VPS54: variants seen among roughly 807,000 people sequenced by gnomAD.
The protein encoded by VPS54 is vacuolar protein sorting-associated protein 54.
A neutral mutation model predicts 121.5 loss-of-function variants in VPS54; 45 were observed. That is an observed-to-expected ratio of 0.37 (90% CI 0.29 to 0.47). The LOEUF (loss-of-function observed/expected upper bound fraction) is 0.47, where lower values mean the gene tolerates loss of function less well. Among genes scored for constraint, VPS54 ranks in the 20% least tolerant of loss-of-function variants. The probability of loss-of-function intolerance (pLI) is 0.99; values close to 1 mark genes in which losing one functional copy is unlikely to be tolerated. For synonymous variants in VPS54, 371 were observed against 385.8 expected (o/e 0.96, Z 0.45); for missense variants, 1,090 against 1,131.4 (o/e 0.96, Z 0.52).
At chr2:63,932,055 G>A (rs1310925770) in intron 12 of VPS54, among the ~76,000 whole-genome samples, 2 of 152,206 alleles carry the variant, frequency 1.3e-5, no homozygotes, top group Admixed American at 1.3e-4. Flanking sequence ...TACACTGTTG[G>A]TGGGAGTGTT....
chr2:63,915,229 G>A (rs1673328724), intron 16 of VPS54, among the ~76,000 whole-genome samples: 1 of 148,742 alleles, frequency 6.7e-6, no homozygotes, highest in African/African-American at 2.5e-5. Flanking sequence ...CAAATCACAC[G>A]TTAAAAAGAC....
At chr2:63,913,726 T>G (rs759435291) in intron 17 of VPS54, 11 of 453,172 alleles carry the variant, frequency 2.4e-5, no homozygotes, top group Non-Finnish European at 3.3e-5. Flanking sequence ...TCCGTACTGG[T>G]AGTTTAAAAT....
At chr2:63,995,984 G>T (rs972302224) in intron 1 of VPS54, among the ~76,000 whole-genome samples, 5 of 152,140 alleles carry the variant, frequency 3.3e-5, no homozygotes, top group Non-Finnish European at 7.3e-5. Flanking sequence ...GTCTATTGGG[G>T]GCTCCACTGT....
chr2:63,945,130 A>T (rs1018867734), intron 9 of VPS54, among the ~76,000 whole-genome samples: 3 of 152,236 alleles, frequency 2.0e-5, no homozygotes, highest in African/African-American at 7.2e-5. Flanking sequence ...AAATACATGG[A>T]ATCAACCTAA....
At position 63,893,369 on chromosome 2, in the gene VPS54, AT is replaced by A. The variant is rs764035925; in HGVS notation, c.*60del. ...CAATTCTCGAATCACAGGCATCCAG[AT>A]TTTCTTCATAACAAACACATCCCAT... On this transcript the variant is annotated 3_prime_UTR_variant, in exon 23 of 23. Transcript: ENST00000272322. 7.0e-7 allele frequency: 1 copy of A among 1,429,834 alleles called. No individual in the cohort carries two copies. Among genetic ancestry groups the A allele is most frequent in the Non-Finnish European group, 9.9e-7 (1 of 1,012,434 alleles). 88.6% of individuals were successfully genotyped at this position (1,429,834 alleles called of 1,614,324 possible). A position where few individuals can be genotyped will look rare whatever the true frequency, so the allele number is the denominator to read the frequency against.
intron 1 of VPS54, among the ~76,000 whole-genome samples, chr2:63,987,443 T>G (rs1182195483): frequency 6.6e-6 from 1 of 151,816 alleles, no homozygotes; most frequent in South Asian, 2.1e-4. Context: ...GTTGTATAAT[T>G]TGAAATCACA....
At chr2:63,932,714 A>T (rs1441312979) in intron 12 of VPS54, among the ~76,000 whole-genome samples, 3 of 152,028 alleles carry the variant, frequency 2.0e-5, no homozygotes, top group African/African-American at 7.2e-5. Flanking sequence ...TATAAAGATA[A>T]TAAAAATATT....
intron 1 of VPS54, among the ~76,000 whole-genome samples, chr2:64,006,869 T>G (rs1482579223): frequency 6.6e-6 from 1 of 152,246 alleles, no homozygotes; most frequent in Non-Finnish European, 1.5e-5. Context: ...TCCACCCGCC[T>G]TGGCCTCCCA....
In VPS54 at chr2:63,976,569, C is replaced by T. The variant is rs1041078343; in HGVS notation, c.379-4325G>A. Among the ~76,000 whole-genome samples the T allele has an allele frequency of 4.0e-4, 61 of 151,966 alleles. 1 individual carries two copies. The highest frequency in any genetic ancestry group is 2.6e-3 in the Admixed American group (40 of 15,272). ...GAATTCACCAAGGAACCCATCTGGG[C>T]CTGGTGATTTCTGCTTTGAGCAGTA... On this transcript the variant is annotated intron_variant, in intron 3 of 22. Coordinates refer to ENST00000272322, the MANE Select transcript of VPS54 (RefSeq NM_016516.3).
At chr2:63,940,489 T>A (rs756321588) in intron 11 of VPS54, among the ~76,000 whole-genome samples, 19 of 152,222 alleles carry the variant, frequency 1.2e-4, no homozygotes, top group Non-Finnish European at 2.4e-4. Context: ...CATAGTGGAA[T>A]AACTACAGTA....
chr2:63,921,277 G>A lies in VPS54; in HGVS notation c.1798C>T (p.Gln600Ter). The A allele has an allele frequency of 6.2e-7, 1 of 1,612,944 alleles. No individual in the cohort carries two copies. The highest frequency in any genetic ancestry group is 8.5e-7 in the Non-Finnish European group (1 of 1,179,398). Residue 600 changes from glutamine (Q) to a stop codon, truncating the protein, a stop_gained, in exon 13 of 23, where the codon CAG becomes TAG. Coordinates refer to ENST00000272322, the MANE Select transcript of VPS54 (RefSeq NM_016516.3). LOFTEE classifies it high-confidence loss of function. ...TCTGAGGCACTATATAATAATTCCT[G>A]GATATTATTTGCCAGCTTTCCTAGC... ...SELGKLANNI[Q>*]ELLYSASDIC...
Position 63,965,926 on chromosome 2 carries a change from G to C in VPS54, c.533C>G (p.Thr178Ser), listed in dbSNP as rs1378070357. The C allele has an allele frequency of 6.2e-7, 1 of 1,611,636 alleles. No homozygotes were observed. Among genetic ancestry groups the C allele is most frequent in the Non-Finnish European group, 8.5e-7 (1 of 1,179,426 alleles). ...KPDFALDDSLTFNSVLPWSHF... is the reference protein window; with the variant it reads ...KPDFALDDSLSFNSVLPWSHF... ...AGACCATGGTAAAACTGAATTAAAA[G>C]TTAAGGAATCATCCAAGGCAAAATC... is the stretch of plus-strand genomic sequence containing the variant. The change falls in exon 6 of 23, where the codon ACT becomes AGT. Residue 178 changes from threonine (T) to serine (S), a missense_variant. Coordinates refer to ENST00000272322, the MANE Select transcript of VPS54 (RefSeq NM_016516.3).
intron 3 of VPS54, 33 bp from the exon 4 acceptor site, chr2:63,972,277 T>G (rs1175428323): frequency 9.5e-6 from 14 of 1,468,126 alleles, no homozygotes; most frequent in African/African-American, 1.4e-5. Context: ...CATCAATGTA[T>G]GTGTAAACAT....
chr2:63,939,397 C>T (rs1180854528), intron 11 of VPS54, among the ~76,000 whole-genome samples: 1 of 151,622 alleles, frequency 6.6e-6, no homozygotes, highest in Non-Finnish European at 1.5e-5. Flanking sequence ...ACAAAAAAAG[C>T]GTAATACTAA....
intron 16 of VPS54, 46 bp from the exon 17 acceptor site, chr2:63,914,333 A>C: frequency 7.7e-7 from 1 of 1,291,960 alleles, no homozygotes; most frequent in Non-Finnish European, 1.1e-6. Flanking sequence ...AAACAAGAAA[A>C]ATCAAAAGGA....
chr2:63,943,588 G>A lies in VPS54; in HGVS notation c.1301+1012C>T, dbSNP rs79231648. Reference sequence around the variant, plus strand: ...TTTGGCCCAAGAAAGTTTCACAGTCGTACATATTGCTAGTCATATCTAAGC... The same window carrying A: ...TTTGGCCCAAGAAAGTTTCACAGTCATACATATTGCTAGTCATATCTAAGC... On this transcript the variant is annotated intron_variant, in intron 10 of 22. Coordinates refer to ENST00000272322, the MANE Select transcript of VPS54 (RefSeq NM_016516.3). Among the ~76,000 whole-genome samples, 575 of 152,208 alleles carry A rather than the reference G, an allele frequency of 3.8e-3. 7 individuals carry two copies. The highest frequency in any genetic ancestry group is 0.013 in the African/African-American group (546 of 41,522).
chr2:63,970,343 G>C (rs955999583), intron 4 of VPS54, among the ~76,000 whole-genome samples: 2 of 105,646 alleles, frequency 1.9e-5, no homozygotes, highest in African/African-American at 3.7e-5. Context: ...GTTGAGGGAA[G>C]GGCAGGACCT....
chr2:63,939,624 C>A (rs1674624961), intron 11 of VPS54, among the ~76,000 whole-genome samples: 2 of 152,118 alleles, frequency 1.3e-5, no homozygotes, highest in African/African-American at 4.8e-5. Flanking sequence ...AATAAAAAAT[C>A]TAAATGACAT....
At chr2:63,942,661 T>C in intron 10 of VPS54, 100 bp from the exon 11 acceptor site, 2 of 956,776 alleles carry the variant, frequency 2.1e-6, no homozygotes, top group Non-Finnish European at 3.0e-6. Context: ...TATCTAGTGA[T>C]AAAATGCAAT....
Sources: gnomAD v4.1 joint callset for allele counts (sites outside exome capture counted in the v4.1 genomes callset) on GRCh38, gnomAD v4.1.1 for gene constraint, MANE v1.5 for transcripts, NCBI Gene and HGNC (gene_info 2026-07-23, HGNC 2026-07-21) for gene names.